The following DLGAP1 variants were observed in gnomAD, a reference collection of about 807,000 sequenced individuals.
DLGAP1 encodes disks large-associated protein 1.
A neutral mutation model predicts 90.8 loss-of-function variants in DLGAP1; 11 were observed. The observed-to-expected ratio is 0.12, with a 90% CI of 0.08 to 0.20. The LOEUF is 0.20. Ranked by LOEUF, DLGAP1 falls within the 10% of genes least tolerant of loss-of-function variation. The pLI is 1.00. For synonymous variants in DLGAP1, 558 were observed against 540.7 expected (o/e 1.03, Z -0.44); for missense variants, 1,050 against 1,333.8 (o/e 0.79, Z 3.31).
chr18:4,010,420 A>G (rs6417026), intron 2 of DLGAP1, among the ~76,000 whole-genome samples: 38,790 of 151,978 alleles, frequency 0.26, 5,973 homozygotes, highest in African/African-American at 0.44. Context: ...TGGTGGCACA[A>G]GCCTGTGGTC....
intron 2 of DLGAP1, among the ~76,000 whole-genome samples, chr18:4,105,387 C>T (rs935277557): frequency 6.6e-6 from 1 of 152,168 alleles, no homozygotes; most frequent in Non-Finnish European, 1.5e-5. Flanking sequence ...ACCAATGTAA[C>T]TTAATAATAT....
chr18:4,291,483 T>C (rs2143039761), intron 1 of DLGAP1, among the ~76,000 whole-genome samples: 1 of 152,324 alleles, frequency 6.6e-6, no homozygotes, highest in Non-Finnish European at 1.5e-5. Context: ...ATTCCAATTG[T>C]TACCAGGTAT....
intron 1 of DLGAP1, among the ~76,000 whole-genome samples, chr18:4,442,200 A>G (rs2083553030): frequency 1.3e-5 from 2 of 152,028 alleles, no homozygotes; most frequent in South Asian, 4.1e-4. Flanking sequence ...GGGTTTCACC[A>G]TATTGGCCAG....
chr18:3,852,073 T>C (rs1294675634), intron 4 of DLGAP1, among the ~76,000 whole-genome samples: 2 of 152,198 alleles, frequency 1.3e-5, no homozygotes, highest in East Asian at 1.9e-4. Context: ...AGCCATCATA[T>C]GCATAGCTGT....
intron 1 of DLGAP1, among the ~76,000 whole-genome samples, chr18:4,189,446 G>T (rs2077355866): frequency 6.6e-6 from 1 of 152,052 alleles, no homozygotes; most frequent in Non-Finnish European, 1.5e-5. Flanking sequence ...AGTGAGCATT[G>T]AAACTACAAA....
chr18:3,592,051 G>A (rs2056276434), intron 7 of DLGAP1, among the ~76,000 whole-genome samples: 1 of 152,156 alleles, frequency 6.6e-6, no homozygotes, highest in Admixed American at 6.5e-5. Flanking sequence ...CAAATTGGAT[G>A]GTTATGATAA....
At chr18:3,601,599 T>C (rs2057027525) in intron 7 of DLGAP1, among the ~76,000 whole-genome samples, 4 of 151,882 alleles carry the variant, frequency 2.6e-5, no homozygotes, top group African/African-American at 9.7e-5. Context: ...TCCCAGCACT[T>C]TGGGAGGCCG....
At chr18:3,560,255 C>T (rs1180261163) in intron 9 of DLGAP1, among the ~76,000 whole-genome samples, 1 of 151,642 alleles carries the variant, frequency 6.6e-6, no homozygotes, top group Non-Finnish European at 1.5e-5. Context: ...CCCGTCTCTA[C>T]TAAAATTACA....
chr18:3,670,070 C>A (rs1267763966), intron 7 of DLGAP1, among the ~76,000 whole-genome samples: 1 of 151,972 alleles, frequency 6.6e-6, no homozygotes, highest in Non-Finnish European at 1.5e-5. Context: ...TTCATTATAA[C>A]GATAGGAAAA....
intron 2 of DLGAP1, among the ~76,000 whole-genome samples, chr18:4,148,867 C>A (rs756781857): frequency 6.6e-6 from 1 of 152,200 alleles, no homozygotes; most frequent in Non-Finnish European, 1.5e-5. Flanking sequence ...TAGGTCACAA[C>A]ACAACCACAG....
chr18:3,730,286 A>T (rs1208364539), intron 6 of DLGAP1, among the ~76,000 whole-genome samples: 1 of 23,454 alleles, frequency 4.3e-5, no homozygotes, highest in Admixed American at 6.1e-4. Context: ...AAACCTGATA[A>T]GATTCATAAA....
At chr18:3,551,723 C>A (rs1369475033) in intron 9 of DLGAP1, among the ~76,000 whole-genome samples, 4 of 10,858 alleles carry the variant, frequency 3.7e-4, no homozygotes, top group African/African-American at 1.7e-3. Context: ...TCCCTCCCTC[C>A]CTTCCTTCCT....
At chr18:4,004,416 C>G (rs1239874483) in intron 3 of DLGAP1, among the ~76,000 whole-genome samples, 1 of 152,126 alleles carries the variant, frequency 6.6e-6, no homozygotes, top group Non-Finnish European at 1.5e-5. Context: ...CCTTCTTCCC[C>G]CTTCCCTTCC....
chr18:4,357,100 TG>T (rs2081533250), intron 1 of DLGAP1, among the ~76,000 whole-genome samples: 1 of 147,560 alleles, frequency 6.8e-6, no homozygotes, highest in Non-Finnish European at 1.5e-5. Flanking sequence ...CGTGTGTGTG[TG>T]TGTGTGTGTG....
chr18:4,407,709 T>C (rs1436343932), intron 1 of DLGAP1, among the ~76,000 whole-genome samples: 3 of 151,916 alleles, frequency 2.0e-5, no homozygotes, highest in Non-Finnish European at 4.4e-5. Context: ...TGATACCCAG[T>C]CTCTACTAAA....
intron 7 of DLGAP1, among the ~76,000 whole-genome samples, chr18:3,670,561 G>A (rs1311253535): frequency 1.3e-5 from 2 of 152,096 alleles, no homozygotes; most frequent in East Asian, 3.9e-4. Context: ...CATCTTAGAA[G>A]TTTTCATTTT....
chr18:4,114,076 T>TC (rs2076020592), intron 2 of DLGAP1, among the ~76,000 whole-genome samples: 1 of 140,236 alleles, frequency 7.1e-6, no homozygotes. Context: ...TTTTTTTTTT[T>TC]GGTTTGCTTA....
At chr18:4,313,965 A>G (rs1392455050) in intron 1 of DLGAP1, among the ~76,000 whole-genome samples, 1 of 152,184 alleles carries the variant, frequency 6.6e-6, no homozygotes, top group Non-Finnish European at 1.5e-5. Flanking sequence ...CTTCTTTGCC[A>G]TGGGGACAAG....
chr18:4,362,113 A>T (rs1580290), intron 1 of DLGAP1, among the ~76,000 whole-genome samples: 15,385 of 152,240 alleles, frequency 0.1, 803 homozygotes, highest in African/African-American at 0.13. Context: ...GAGAAACTGG[A>T]ACACTTGTAC....
Sources: allele counts gnomAD v4.1 joint callset (sites outside exome capture counted in the v4.1 genomes callset), GRCh38; gene constraint gnomAD v4.1.1; transcripts MANE v1.5; gene names NCBI Gene and HGNC (gene_info 2026-07-23, HGNC 2026-07-21).